RBFOX1: variants seen among roughly 807,000 people sequenced by gnomAD.
The protein encoded by RBFOX1 is RNA binding protein fox-1 homolog 1.
In RBFOX1, 8 loss-of-function variants were observed where a neutral mutation model predicts 57.7. That is an observed-to-expected ratio of 0.14 (90% CI 0.08 to 0.25). The LOEUF is 0.25. Among genes scored for constraint, RBFOX1 ranks in the 10% least tolerant of loss-of-function variants. The pLI, the probability that RBFOX1 is intolerant of heterozygous loss-of-function variation, is 1.00. For missense variants in RBFOX1, 611 were observed against 548.5 expected (o/e 1.11, Z -1.14); for synonymous variants, 326 against 222.4 (o/e 1.47, Z -4.15).
At chr16:6,745,643 G>A (rs8047732) in intron 3 of RBFOX1, among the ~76,000 whole-genome samples, 2 of 152,142 alleles carry the variant, frequency 1.3e-5, no homozygotes, top group South Asian at 4.1e-4. Flanking sequence ...AAGATAAATT[G>A]GTCAATATGA....
At chr16:5,413,770 G>A (rs983234159) in intron 1 of RBFOX1, among the ~76,000 whole-genome samples, 7 of 152,308 alleles carry the variant, frequency 4.6e-5, no homozygotes, top group African/African-American at 9.6e-5. Flanking sequence ...GCAGAATTAC[G>A]AAAAGAGTCC....
rs562338871 is a variant in RBFOX1 at position 6,701,039 on chromosome 16, G to T, written c.-16+46389G>T. 7.2e-5 allele frequency among the ~76,000 whole-genome samples: 11 copies of T among 152,232 alleles called. 1 individual carries two copies. Among genetic ancestry groups the T allele is most frequent in the South Asian group, 6.2e-4 (3 of 4,812 alleles). On this transcript the variant is annotated intron_variant, in intron 3 of 15. Coordinates refer to ENST00000550418, the MANE Select transcript of RBFOX1 (RefSeq NM_018723.4). ...GTAGAGAGCAGAGTTGGGCAGAGGGGGGGGTGAGTCAGACTATGATGTGAG... is the reference window on the plus strand; with the variant it reads ...GTAGAGAGCAGAGTTGGGCAGAGGGTGGGGTGAGTCAGACTATGATGTGAG...
intron 3 of RBFOX1, among the ~76,000 whole-genome samples, chr16:5,780,125 C>A (rs547822079): frequency 6.6e-6 from 1 of 152,264 alleles, no homozygotes; most frequent in African/African-American, 2.4e-5. Context: ...GCCTCAGCAT[C>A]CAGAGTAGAT....
At chr16:6,848,629 A>T (rs538559937) in intron 3 of RBFOX1, among the ~76,000 whole-genome samples, 4 of 152,112 alleles carry the variant, frequency 2.6e-5, no homozygotes, top group Non-Finnish European at 5.9e-5. Flanking sequence ...GTGTAGAGAG[A>T]GATGATGGAA....
intron 4 of RBFOX1, among the ~76,000 whole-genome samples, chr16:7,269,938 C>T (rs1054881129): frequency 5.9e-5 from 9 of 152,200 alleles, no homozygotes; most frequent in Admixed American, 1.3e-4. Flanking sequence ...TTATTACATA[C>T]TTTATTAATT....
At chr16:5,829,030 C>T (rs1235346264) in intron 3 of RBFOX1, among the ~76,000 whole-genome samples, 1 of 152,092 alleles carries the variant, frequency 6.6e-6, no homozygotes, top group Non-Finnish European at 1.5e-5. Context: ...AAGACCTGGC[C>T]AAGGAAGGAT....
At chr16:6,791,932 C>G (rs1050030565) in intron 3 of RBFOX1, among the ~76,000 whole-genome samples, 21 of 152,116 alleles carry the variant, frequency 1.4e-4, no homozygotes, top group African/African-American at 4.3e-4. Flanking sequence ...GAACTAGAGA[C>G]TGGAACTTAG....
chr16:5,640,231 T>C (rs779233962), intron 3 of RBFOX1, among the ~76,000 whole-genome samples: 1 of 152,180 alleles, frequency 6.6e-6, no homozygotes, highest in Non-Finnish European at 1.5e-5. Flanking sequence ...CAAGAATCTA[T>C]ATTAATGAAG....
intron 1 of RBFOX1, among the ~76,000 whole-genome samples, chr16:5,431,413 T>C (rs1449734034): frequency 6.6e-6 from 1 of 152,096 alleles, no homozygotes; most frequent in Non-Finnish European, 1.5e-5. Flanking sequence ...CTCGCTCTGT[T>C]ACCCAGGCTG....
At position 7,018,390 on chromosome 16, in the gene RBFOX1, T is replaced by C. The variant is rs117990548; in HGVS notation, c.-15-33667T>C. ...AGATACTTCTTTCTAGATGCTTCTT[T>C]ATGCATAATTGTGTGTGCGTGGGTG... On this transcript the variant is annotated intron_variant, in intron 3 of 15. Coordinates refer to ENST00000550418, the MANE Select transcript of RBFOX1 (RefSeq NM_018723.4). 4.1e-3 allele frequency among the ~76,000 whole-genome samples: 621 copies of C among 152,320 alleles called. 1 individual carries two copies. The highest frequency in any genetic ancestry group is 9.2e-3 in the Admixed American group (141 of 15,296).
intron 4 of RBFOX1, among the ~76,000 whole-genome samples, chr16:7,445,280 G>C (rs1189891592): frequency 6.6e-6 from 1 of 152,146 alleles, no homozygotes; most frequent in Non-Finnish European, 1.5e-5. Flanking sequence ...GTGATACTAT[G>C]TGTTTAATAT....
intron 4 of RBFOX1, among the ~76,000 whole-genome samples, chr16:7,473,574 T>C (rs887553038): frequency 1.3e-5 from 2 of 151,432 alleles, no homozygotes; most frequent in African/African-American, 4.8e-5. Context: ...GCAGTTTGCT[T>C]GTTTTCCTCT....
rs949042678 is a variant in RBFOX1 at position 5,568,245 on chromosome 16, C to G, written c.259-30657C>G. On this transcript the variant is annotated intron_variant, in intron 2 of 2. Transcript: ENST00000585867. ...AGCGTATGGGGGCCTGTGCTGCATT[C>G]TCTGTGCACGTGGCACAGTCCCACC... Among the ~76,000 whole-genome samples, 4 of 152,218 alleles carry G rather than the reference C, an allele frequency of 2.6e-5. No homozygotes were observed. The East Asian group carries it at 7.7e-4, about 29-fold the overall frequency.
At chr16:6,306,471 T>C (rs1264345756) in intron 1 of RBFOX1, among the ~76,000 whole-genome samples, 8 of 152,228 alleles carry the variant, frequency 5.3e-5, no homozygotes, top group Admixed American at 4.6e-4. Context: ...TCAGAGGCAT[T>C]TTTATGTAAG....
chr16:5,784,687 G>A (rs996805897), intron 3 of RBFOX1, among the ~76,000 whole-genome samples: 36 of 152,148 alleles, frequency 2.4e-4, no homozygotes, highest in African/African-American at 8.7e-4. Context: ...TCGAAATCAT[G>A]TCAGTAAGGC....
intron 1 of RBFOX1, among the ~76,000 whole-genome samples, chr16:6,148,648 C>T (rs944754968): frequency 3.9e-5 from 6 of 152,140 alleles, no homozygotes; most frequent in African/African-American, 1.4e-4. Flanking sequence ...CTCTAAAATG[C>T]TGGTGATGTA....
chr16:6,704,386 C>G (rs947030221), intron 3 of RBFOX1: 4 of 152,242 alleles, frequency 2.6e-5, no homozygotes, highest in African/African-American at 9.6e-5. Flanking sequence ...CCTAGACAAA[C>G]ATGAGGTGGT....
intron 1 of RBFOX1, among the ~76,000 whole-genome samples, chr16:6,197,738 C>G (rs1003288667): frequency 5.3e-5 from 8 of 151,782 alleles, no homozygotes; most frequent in African/African-American, 1.9e-4. Context: ...TATTGCGTCA[C>G]CCAGGTATTA....
rs60333818 is a variant in RBFOX1 at position 7,218,628 on chromosome 16, CTGTGTGTGTGTGTGTGTGTGTGTGTG to C, written c.27+166558_27+166583del. Among the ~76,000 whole-genome samples, 6 of 127,490 alleles carry C rather than the reference CTGTGTGTGTGTGTGTGTGTGTGTGTG, an allele frequency of 4.7e-5. No individual in the cohort carries two copies. The East Asian group carries it at 6.2e-4, about 13-fold the overall frequency. 83.6% of individuals were successfully genotyped at this position (127,490 alleles called of 152,430 possible). ...TTGACTTAGGGTTTGTGGGGGTTTG[CTGTGTGTGTGTGTGTGTGTGTGTGTG>C]TGTGTGTGTGTGTGTGTGTGTGTGT... On this transcript the variant is annotated intron_variant, in intron 4 of 15. Coordinates refer to ENST00000550418, the MANE Select transcript of RBFOX1 (RefSeq NM_018723.4).
Sources: allele counts gnomAD v4.1 joint callset (sites outside exome capture counted in the v4.1 genomes callset), GRCh38; gene constraint gnomAD v4.1.1; transcripts MANE v1.5; gene names NCBI Gene and HGNC (gene_info 2026-07-23, HGNC 2026-07-21).